DLG1: variants seen among roughly 807,000 people sequenced by gnomAD.
DLG1 encodes disks large homolog 1.
A neutral mutation model predicts 123.4 loss-of-function variants in DLG1; 42 were observed. The observed-to-expected ratio is 0.34, with a 90% CI of 0.27 to 0.44. DLG1 has a LOEUF of 0.44. Among genes scored for constraint, DLG1 ranks in the 20% least tolerant of loss-of-function variants. The pLI is 1.00. For missense variants in DLG1, 942 were observed against 1,082.6 expected (o/e 0.87, Z 1.82); for synonymous variants, 317 against 356.2 (o/e 0.89, Z 1.24).
chr3:197,107,650 A>ATT (rs145972791), intron 13 of DLG1, among the ~76,000 whole-genome samples: 1,635 of 151,992 alleles, frequency 0.011, 32 homozygotes, highest in African/African-American at 0.037. Flanking sequence ...TTTTGATAGT[A>ATT]TTATAAATCA....
At chr3:197,273,849 C>CAAAAAAAAAAAA (rs58880007) in intron 4 of DLG1, among the ~76,000 whole-genome samples, 10 of 48,690 alleles carry the variant, frequency 2.1e-4, no homozygotes, top group Non-Finnish European at 2.7e-4. Context: ...TAATAGCTAC[C>CAAAAAAAAAAAA]AAAAAAAAAA....
rs559391847 is a variant in DLG1, at chr3:197,172,200, A to G, written c.483+22225T>C. 5.9e-5 allele frequency among the ~76,000 whole-genome samples: 9 copies of G among 152,326 alleles called. No individual in the cohort carries two copies. The East Asian group carries it at 1.2e-3, about 20-fold the overall frequency. On this transcript the variant is annotated intron_variant, in intron 5 of 24. Coordinates refer to ENST00000667157, the MANE Select transcript of DLG1 (RefSeq NM_001366207.1). ...GTCATAGCCATTGTAATGCTGCAGT[A>G]TAATGTATTACATTTGTGGTGACGC...
intron 4 of DLG1, among the ~76,000 whole-genome samples, chr3:197,256,392 T>C (rs888476301): frequency 2.6e-5 from 4 of 152,284 alleles, no homozygotes; most frequent in African/African-American, 9.6e-5. Flanking sequence ...AGAACTATAA[T>C]AGCCTTTGTT....
chr3:197,260,770 A>T (rs1320510604), intron 4 of DLG1, among the ~76,000 whole-genome samples: 1 of 149,596 alleles, frequency 6.7e-6, no homozygotes, highest in Non-Finnish European at 1.5e-5. Context: ...AAAAAAAAAA[A>T]AAAAAAAAAA....
chr3:197,049,644 C>T (rs1441180208), intron 24 of DLG1, among the ~76,000 whole-genome samples: 1 of 151,006 alleles, frequency 6.6e-6, no homozygotes, highest in Non-Finnish European at 1.5e-5. Context: ...CCCAGCTACT[C>T]AGGAGGCTGA....
chr3:197,217,520 T>A (rs773386894), intron 4 of DLG1, among the ~76,000 whole-genome samples: 1 of 152,194 alleles, frequency 6.6e-6, no homozygotes, highest in Non-Finnish European at 1.5e-5. Context: ...GTTATTTACA[T>A]TCAAAGAATA....
chr3:197,080,384 TC>T (rs1340102965), intron 17 of DLG1: 3 of 140,872 alleles, frequency 2.1e-5, no homozygotes, highest in Non-Finnish European at 4.6e-5. Flanking sequence ...GCTTAAGCAA[TC>T]CTTTCACTTT....
At chr3:197,053,379 T>A (rs968750516) in intron 23 of DLG1, among the ~76,000 whole-genome samples, 3 of 152,210 alleles carry the variant, frequency 2.0e-5, no homozygotes, top group African/African-American at 7.2e-5. Flanking sequence ...TTTTGAAGAA[T>A]AGATTTGCCA....
At chr3:197,147,426 T>C (rs1791383315) in intron 6 of DLG1, among the ~76,000 whole-genome samples, 1 of 117,316 alleles carries the variant, frequency 8.5e-6, no homozygotes, top group Non-Finnish European at 1.7e-5. Context: ...AAAAAATATA[T>C]GGTGTGCACA....
intron 5 of DLG1, among the ~76,000 whole-genome samples, chr3:197,153,006 C>T (rs1255974195): frequency 6.6e-6 from 1 of 152,110 alleles, no homozygotes; most frequent in Non-Finnish European, 1.5e-5. Flanking sequence ...TTACAATCTG[C>T]ATTGTATTTC....
At chr3:197,081,798 C>G (rs1375301475) in intron 16 of DLG1, among the ~76,000 whole-genome samples, 1 of 152,142 alleles carries the variant, frequency 6.6e-6, no homozygotes, top group Non-Finnish European at 1.5e-5. Context: ...AAAGCCTTCA[C>G]ATCTTTTAAA....
intron 17 of DLG1, chr3:197,078,336 A>G (rs904116967): frequency 2.7e-5 from 4 of 149,124 alleles, no homozygotes; most frequent in Non-Finnish European, 6.0e-5. Flanking sequence ...AAAAAAAAAA[A>G]GTGAAGTAGA....
At chr3:197,166,573 A>G (rs775584489) in intron 5 of DLG1, among the ~76,000 whole-genome samples, 10 of 152,264 alleles carry the variant, frequency 6.6e-5, no homozygotes, top group Non-Finnish European at 1.2e-4. Context: ...CTTGATTTCT[A>G]AATACTCATT....
intron 5 of DLG1, among the ~76,000 whole-genome samples, chr3:197,186,357 T>C (rs1715984969): frequency 6.6e-6 from 1 of 152,198 alleles, no homozygotes; most frequent in African/African-American, 2.4e-5. Context: ...CTGGAAAACC[T>C]ATTTAAAATA....
intron 5 of DLG1, among the ~76,000 whole-genome samples, chr3:197,191,456 T>A (rs1344312482): frequency 6.6e-6 from 1 of 152,184 alleles, no homozygotes; most frequent in Non-Finnish European, 1.5e-5. Context: ...TCTGCTTGTG[T>A]CATAATCTGC....
At chr3:197,148,757 G>A (rs1792406330) in intron 6 of DLG1, among the ~76,000 whole-genome samples, 1 of 152,072 alleles carries the variant, frequency 6.6e-6, no homozygotes, top group Non-Finnish European at 1.5e-5. Flanking sequence ...TGTGATGTTG[G>A]ATTATGCAAT....
At chr3:197,164,001 T>C (rs554173281) in intron 5 of DLG1, among the ~76,000 whole-genome samples, 35 of 152,146 alleles carry the variant, frequency 2.3e-4, no homozygotes, top group Non-Finnish European at 3.5e-4. Flanking sequence ...CTTTTAAAAA[T>C]GCATGAAAAC....
intron 12 of DLG1, 111 bp from the exon 13 acceptor site, chr3:197,116,194 T>C (rs1773171232): frequency 1.3e-6 from 1 of 784,704 alleles, no homozygotes; most frequent in Non-Finnish European, 1.9e-6. Flanking sequence ...CAAAGAAAGC[T>C]AGACAAAATA....
At chr3:197,253,829 G>A (rs1755601238) in intron 4 of DLG1, among the ~76,000 whole-genome samples, 1 of 152,010 alleles carries the variant, frequency 6.6e-6, no homozygotes, top group Admixed American at 6.6e-5. Context: ...ACTACTAGAG[G>A]AAACTGGGTT....
Sources: gnomAD v4.1 joint callset for allele counts (sites outside exome capture counted in the v4.1 genomes callset) on GRCh38, gnomAD v4.1.1 for gene constraint, MANE v1.5 for transcripts, NCBI Gene and HGNC (gene_info 2026-07-23, HGNC 2026-07-21) for gene names.